The following TOX2 variants were observed in gnomAD, a reference collection of about 807,000 sequenced individuals.
TOX2 encodes the protein TOX high mobility group box family member 2.
TOX2 carries 15 observed loss-of-function variants against 47.4 expected under a neutral mutation model. The ratio of observed to expected loss-of-function variants is 0.32; its 90% CI spans 0.21 to 0.49. The LOEUF (loss-of-function observed/expected upper bound fraction) is 0.49. Ranked by LOEUF, TOX2 falls within the 20% of genes least tolerant of loss-of-function variation. The probability of loss-of-function intolerance (pLI) is 0.99; values close to 1 mark genes in which losing one functional copy is unlikely to be tolerated. For synonymous variants in TOX2, 290 were observed against 296.6 expected (o/e 0.98, Z 0.23); for missense variants, 622 against 673.1 (o/e 0.92, Z 0.84).
At chr20:43,995,870 C>G (rs2070467791) in intron 2 of TOX2, among the ~76,000 whole-genome samples, 1 of 152,212 alleles carries the variant, frequency 6.6e-6, no homozygotes, top group East Asian at 1.9e-4. Flanking sequence ...GCATAGTATT[C>G]CATGGTGTAT....
intron 2 of TOX2, among the ~76,000 whole-genome samples, chr20:43,980,016 C>T (rs2070143873): frequency 6.6e-6 from 1 of 152,150 alleles, no homozygotes; most frequent in African/African-American, 2.4e-5. Context: ...TCCAGCAATC[C>T]AACTGCTGGG....
chr20:44,020,279 C>T (rs1197193357), intron 3 of TOX2, among the ~76,000 whole-genome samples: 1 of 152,124 alleles, frequency 6.6e-6, no homozygotes, highest in African/African-American at 2.4e-5. Context: ...GTAGGTGGAG[C>T]TCCTGCATAA....
At chr20:44,000,836 A>C (rs1285128172) in intron 2 of TOX2, among the ~76,000 whole-genome samples, 10 of 152,128 alleles carry the variant, frequency 6.6e-5, no homozygotes, top group African/African-American at 1.9e-4. Context: ...GGTGTCCCAG[A>C]AGCCAAGTGA....
intron 1 of TOX2, among the ~76,000 whole-genome samples, chr20:43,920,148 G>A (rs973338214): frequency 5.9e-5 from 9 of 152,226 alleles, no homozygotes; most frequent in Admixed American, 2.0e-4. Flanking sequence ...CTCCTGGCAG[G>A]CAGGAATTCT....
At chr20:44,011,603 C>T (rs898211876) in intron 3 of TOX2, among the ~76,000 whole-genome samples, 24 of 152,266 alleles carry the variant, frequency 1.6e-4, no homozygotes, top group Non-Finnish European at 2.9e-5. Context: ...CTGCCATCCA[C>T]CTCTCAGTTT....
At position 44,046,824 on chromosome 20, in the gene TOX2, G is replaced by T. The variant is rs147251867; in HGVS notation, c.412-4482G>T. Among the ~76,000 whole-genome samples, 24 of 152,224 alleles carry T rather than the reference G, an allele frequency of 1.6e-4. No individual in the cohort carries two copies. In the East Asian group the frequency reaches 3.1e-3, roughly 20 times the overall value. Reference sequence around the variant, plus strand: ...GTTTTGCAAAAATTGATCATACTTTGGTGACACAATAGTCTGTATACCAAA... The same window carrying T: ...GTTTTGCAAAAATTGATCATACTTTTGTGACACAATAGTCTGTATACCAAA... On this transcript the variant is annotated intron_variant, in intron 3 of 8. Coordinates refer to ENST00000341197, the MANE Select transcript of TOX2 (RefSeq NM_001098797.2).
At chr20:43,938,497 G>A (rs1232536821) in intron 1 of TOX2, among the ~76,000 whole-genome samples, 2 of 152,222 alleles carry the variant, frequency 1.3e-5, no homozygotes, top group Admixed American at 1.3e-4. Context: ...CCTGATGGGT[G>A]CACTAGGAGT....
At position 43,973,357 on chromosome 20, in the gene TOX2, T is replaced by A; in HGVS notation, c.100-10T>A. On this transcript the variant is annotated splice_polypyrimidine_tract_variant and intron_variant, in intron 1 of 8. Transcript: ENST00000341197. ...AATCAGAGCTGCTTCTCCCTCTCTC[T>A]CTATTCTAGTTTGATGGTGACAGTG... is the stretch of plus-strand genomic sequence containing the variant. 3.1e-6 allele frequency: 5 copies of A among 1,614,006 alleles called. No individual in the cohort carries two copies. The highest frequency in any genetic ancestry group is 4.2e-6 in the Non-Finnish European group (5 of 1,179,912).
intron 3 of TOX2, among the ~76,000 whole-genome samples, chr20:44,048,046 C>T (rs571565232): frequency 6.6e-6 from 1 of 151,782 alleles, no homozygotes; most frequent in Non-Finnish European, 1.5e-5. Flanking sequence ...TGGCAAAAAC[C>T]CATCTCTCCT....
At chr20:44,001,026 A>C (rs1266328523) in intron 2 of TOX2, among the ~76,000 whole-genome samples, 1 of 152,196 alleles carries the variant, frequency 6.6e-6, no homozygotes, top group Non-Finnish European at 1.5e-5. Context: ...GAGTGGGTTT[A>C]AGAAAGAACG....
At chr20:43,922,459 G>A (rs2069122122) in intron 1 of TOX2, among the ~76,000 whole-genome samples, 1 of 152,128 alleles carries the variant, frequency 6.6e-6, no homozygotes, top group African/African-American at 2.4e-5. Flanking sequence ...ACCACAGCAG[G>A]CACCGTGCTT....
intron 2 of TOX2, among the ~76,000 whole-genome samples, chr20:43,993,423 G>C (rs1304401559): frequency 2.0e-5 from 3 of 152,136 alleles, no homozygotes; most frequent in African/African-American, 7.2e-5. Flanking sequence ...AGATACATGG[G>C]GAGGTGGGGC....
chr20:43,930,169 G>T (rs1432026886), intron 1 of TOX2, among the ~76,000 whole-genome samples: 1 of 152,224 alleles, frequency 6.6e-6, no homozygotes, highest in Non-Finnish European at 1.5e-5. Context: ...GTAAAAAGTT[G>T]TTGAAAGATT....
At chr20:44,027,518 T>A (rs1422603651) in intron 3 of TOX2, among the ~76,000 whole-genome samples, 5 of 152,230 alleles carry the variant, frequency 3.3e-5, no homozygotes, top group African/African-American at 4.8e-5. Flanking sequence ...TCTCCCTGCT[T>A]CTGTGTCTCC....
chr20:44,056,100 G>A (rs766207402), intron 5 of TOX2, among the ~76,000 whole-genome samples: 4 of 152,154 alleles, frequency 2.6e-5, no homozygotes, highest in Non-Finnish European at 4.4e-5. Context: ...TGCTTAGAAC[G>A]TGCCAGGCCT....
intron 3 of TOX2, among the ~76,000 whole-genome samples, chr20:44,049,534 G>A (rs537010499): frequency 6.6e-6 from 1 of 152,286 alleles, no homozygotes; most frequent in East Asian, 1.9e-4. Flanking sequence ...TGCAGGATGT[G>A]CAGGTTTGTT....
intron 2 of TOX2, among the ~76,000 whole-genome samples, chr20:43,994,578 C>T (rs1040782659): frequency 1.3e-5 from 2 of 152,094 alleles, no homozygotes; most frequent in Non-Finnish European, 2.9e-5. Flanking sequence ...CACAAGTTAT[C>T]CCCAGCCTTG....
chr20:43,965,576 T>C (rs979588828), intron 1 of TOX2, among the ~76,000 whole-genome samples: 3 of 152,218 alleles, frequency 2.0e-5, no homozygotes, highest in African/African-American at 7.2e-5. Flanking sequence ...GCCTTTGTGA[T>C]GATCTATTTG....
chr20:44,026,192 C>T (rs1430771793), intron 3 of TOX2, among the ~76,000 whole-genome samples: 4 of 134,906 alleles, frequency 3.0e-5, no homozygotes, highest in Non-Finnish European at 4.7e-5. Context: ...TGGAACCAAC[C>T]CAAATGCCCA....
Sources: gnomAD v4.1 joint callset for allele counts (sites outside exome capture counted in the v4.1 genomes callset) on GRCh38, gnomAD v4.1.1 for gene constraint, MANE v1.5 for transcripts, NCBI Gene and HGNC (gene_info 2026-07-23, HGNC 2026-07-21) for gene names.